The following MACROD1 variants were observed in gnomAD, a reference collection of about 807,000 sequenced individuals.
MACROD1 encodes ADP-ribose glycohydrolase MACROD1.
Under a neutral mutation model 41.4 loss-of-function variants are expected in MACROD1, and 31 were observed. The observed-to-expected ratio is 0.75, with a 90% CI of 0.56 to 1.01. The LOEUF (loss-of-function observed/expected upper bound fraction) is 1.01, where lower values mean the gene tolerates loss of function less well. Ranked by LOEUF, MACROD1 falls within the 50% of genes least tolerant of loss-of-function variation. The pLI, the probability that MACROD1 is intolerant of heterozygous loss-of-function variation, is 0.00. For missense variants in MACROD1, 473 were observed against 460.0 expected (o/e 1.03, Z -0.26); for synonymous variants, 252 against 203.4 (o/e 1.24, Z -2.03).
intron 3 of MACROD1, chr11:64,116,318 T>A: frequency 6.2e-7 from 1 of 1,609,368 alleles, no homozygotes; most frequent in Non-Finnish European, 8.5e-7. Context: ...CCACTGCCAC[T>A]GTCACGGCCA....
At chr11:64,144,718 C>A (rs1291741876) in intron 3 of MACROD1, among the ~76,000 whole-genome samples, 1 of 152,238 alleles carries the variant, frequency 6.6e-6, no homozygotes, top group Non-Finnish European at 1.5e-5. Flanking sequence ...TGCTGTACAG[C>A]CAGCCCTGGA....
chr11:64,153,181 G>A (rs964252212), intron 1 of MACROD1, among the ~76,000 whole-genome samples: 20 of 152,106 alleles, frequency 1.3e-4, no homozygotes, highest in African/African-American at 4.8e-4. Context: ...ACAGAAACCT[G>A]GAACCCGTCT....
chr11:64,065,256 T>G (rs1943975812), intron 3 of MACROD1, among the ~76,000 whole-genome samples: 1 of 152,100 alleles, frequency 6.6e-6, no homozygotes, highest in South Asian at 2.1e-4. Flanking sequence ...ATCGGAGCAG[T>G]GAGGCGGTGG....
At chr11:64,157,246 C>G (rs773106846) in intron 1 of MACROD1, among the ~76,000 whole-genome samples, 47 of 152,170 alleles carry the variant, frequency 3.1e-4, no homozygotes, top group Non-Finnish European at 6.3e-4. Context: ...GCATGCACCA[C>G]CACACCCAGC....
At position 64,120,102 on chromosome 11, in the gene MACROD1, C is replaced by T. The variant is rs1441551169; in HGVS notation, c.517+31137G>A. Among the ~76,000 whole-genome samples, 1 of 152,152 alleles carries T rather than the reference C, an allele frequency of 6.6e-6. No individual in the cohort carries two copies. The highest frequency in any genetic ancestry group is 2.4e-5 in the African/African-American group (1 of 41,418). On this transcript the variant is annotated intron_variant, in intron 3 of 10. Coordinates refer to ENST00000255681, the MANE Select transcript of MACROD1 (RefSeq NM_014067.4). This position sits in a 1 kb window ranked among gnomAD's most constrained non-coding sequence, Gnocchi z 4.5. Reference sequence around the variant, plus strand: ...AGCAAAGGCAGAAGCAGCAGCGGGGCAGGGGTTACGTTAAAAGGCCCGACC... The same window carrying T: ...AGCAAAGGCAGAAGCAGCAGCGGGGTAGGGGTTACGTTAAAAGGCCCGACC...
intron 4 of MACROD1, among the ~76,000 whole-genome samples, chr11:64,002,427 G>A (rs1321037303): frequency 6.6e-6 from 1 of 152,170 alleles, no homozygotes; most frequent in African/African-American, 2.4e-5. Flanking sequence ...CTGGCAGAGG[G>A]CTCAGGCCAG....
intron 3 of MACROD1, among the ~76,000 whole-genome samples, chr11:64,018,976 G>A (rs1943118057): frequency 6.6e-6 from 1 of 152,164 alleles, no homozygotes; most frequent in Non-Finnish European, 1.5e-5. Flanking sequence ...CCACCCAAGG[G>A]ACCCAGACCT....
chr11:64,019,321 C>G (rs987469923), intron 3 of MACROD1, among the ~76,000 whole-genome samples: 1 of 152,230 alleles, frequency 6.6e-6, no homozygotes, highest in Non-Finnish European at 1.5e-5. Flanking sequence ...CAATGCCAGT[C>G]ACTGCCAAGT....
chr11:64,008,643 G>A (rs1350692570), intron 4 of MACROD1, among the ~76,000 whole-genome samples: 7 of 152,166 alleles, frequency 4.6e-5, no homozygotes, highest in South Asian at 2.1e-4. Context: ...TCTCTTGGGC[G>A]GTGTAGGAGA....
chr11:64,088,106 C>A (rs1293322768), intron 3 of MACROD1, among the ~76,000 whole-genome samples: 1 of 152,166 alleles, frequency 6.6e-6, no homozygotes, highest in Non-Finnish European at 1.5e-5. Context: ...CTATCTCCAC[C>A]CCAGGGCCCC....
intron 3 of MACROD1, among the ~76,000 whole-genome samples, chr11:64,113,984 T>C (rs1018335374): frequency 2.4e-5 from 2 of 83,768 alleles, no homozygotes; most frequent in African/African-American, 9.6e-5. Context: ...GGATGGATAA[T>C]TGGATGGATG....
chr11:64,055,659 A>AC (rs1482159073), intron 3 of MACROD1, among the ~76,000 whole-genome samples: 1 of 152,102 alleles, frequency 6.6e-6, no homozygotes, highest in Non-Finnish European at 1.5e-5. Flanking sequence ...TGCATGTTAG[A>AC]CCAGGAATAA....
intron 3 of MACROD1, among the ~76,000 whole-genome samples, chr11:64,035,769 C>T (rs1943365572): frequency 2.3e-5 from 1 of 43,708 alleles, no homozygotes; most frequent in Non-Finnish European, 5.1e-5. Flanking sequence ...CCTGCACGCA[C>T]GGCCCCCGCC....
At chr11:64,129,891 A>G (rs891960831) in intron 3 of MACROD1, among the ~76,000 whole-genome samples, 2 of 152,110 alleles carry the variant, frequency 1.3e-5, no homozygotes, top group Admixed American at 6.5e-5. Flanking sequence ...TCAGGAATGA[A>G]AGGAAAACCC....
chr11:64,031,127 G>T (rs552205473), intron 3 of MACROD1, among the ~76,000 whole-genome samples: 90 of 152,252 alleles, frequency 5.9e-4, no homozygotes, highest in Admixed American at 2.5e-3. Flanking sequence ...TCTTGTCCTG[G>T]CTGGCAGCCT....
intron 3 of MACROD1, among the ~76,000 whole-genome samples, chr11:64,035,146 G>T (rs1467429117): frequency 2.0e-5 from 3 of 152,180 alleles, no homozygotes; most frequent in Non-Finnish European, 4.4e-5. Context: ...CTGAGGCTGG[G>T]AGAGGTTCAG....
chr11:64,012,182 G>A (rs923061280), intron 4 of MACROD1, among the ~76,000 whole-genome samples: 4 of 152,042 alleles, frequency 2.6e-5, no homozygotes, highest in East Asian at 1.9e-4. Context: ...CAGCCGCTCC[G>A]CACCCCTAAA....
chr11:64,147,415 G>T (rs1945509995), intron 3 of MACROD1, among the ~76,000 whole-genome samples: 1 of 149,460 alleles, frequency 6.7e-6, no homozygotes, highest in Non-Finnish European at 1.5e-5. Context: ...TTTTGAGATG[G>T]AGTCTCACTC....
At chr11:64,052,736 T>C (rs1027745511) in intron 3 of MACROD1, among the ~76,000 whole-genome samples, 1 of 152,208 alleles carries the variant, frequency 6.6e-6, no homozygotes, top group Non-Finnish European at 1.5e-5. Flanking sequence ...CCTCCCAGCT[T>C]CTAGGGGTGG....
Sources: allele counts gnomAD v4.1 joint callset (sites outside exome capture counted in the v4.1 genomes callset), GRCh38; gene constraint gnomAD v4.1.1; non-coding constraint Gnocchi (gnomAD v3.1); transcripts MANE v1.5; gene names NCBI Gene and HGNC (gene_info 2026-07-23, HGNC 2026-07-21).